FILIP1L: variants seen among roughly 807,000 people sequenced by gnomAD.
FILIP1L encodes filamin A interacting protein 1 like.
A neutral mutation model predicts 96.6 loss-of-function variants in FILIP1L; 55 were observed. The ratio of observed to expected loss-of-function variants is 0.57; its 90% confidence interval spans 0.46 to 0.71. FILIP1L has a LOEUF of 0.71. FILIP1L is among the 30% of genes least tolerant of loss of function. The pLI is 0.00. For synonymous variants in FILIP1L, 467 were observed against 473.9 expected (o/e 0.99, Z 0.19); for missense variants, 1,304 against 1,321.2 (o/e 0.99, Z 0.20).
At chr3:99,990,318 G>A (rs1709475539) in intron 1 of FILIP1L, among the ~76,000 whole-genome samples, 1 of 152,136 alleles carries the variant, frequency 6.6e-6, no homozygotes, top group Non-Finnish European at 1.5e-5. Context: ...ATTGCCAACT[G>A]AACCATGGCA....
intron 1 of FILIP1L, among the ~76,000 whole-genome samples, chr3:100,021,952 TGTGTGTGTGAGAGA>T (rs1559728590): frequency 2.7e-5 from 3 of 111,458 alleles, no homozygotes; most frequent in Non-Finnish European, 3.9e-5. Flanking sequence ...TGTGTGTGTG[TGTGTGTGTGAGAGA>T]GAGAGAGAGA....
chr3:100,096,676 A>T (rs766731301), intron 1 of FILIP1L, among the ~76,000 whole-genome samples: 14 of 151,886 alleles, frequency 9.2e-5, no homozygotes, highest in African/African-American at 2.4e-4. Context: ...AAAAAAAGAA[A>T]GAATGAATAA....
chr3:99,869,831 G>T (rs1185378051), intron 4 of FILIP1L, among the ~76,000 whole-genome samples: 1 of 152,118 alleles, frequency 6.6e-6, no homozygotes, highest in Non-Finnish European at 1.5e-5. Flanking sequence ...TTTGTTCCAG[G>T]ACTGGTGGGC....
chr3:99,833,937 G>A (rs1942790919), intron 5 of FILIP1L, among the ~76,000 whole-genome samples: 1 of 152,252 alleles, frequency 6.6e-6, no homozygotes, highest in Non-Finnish European at 1.5e-5. Flanking sequence ...AAGTATATAA[G>A]CAATGATGAT....
intron 4 of FILIP1L, among the ~76,000 whole-genome samples, chr3:99,869,177 G>A (rs2107576938): frequency 6.6e-6 from 1 of 152,328 alleles, no homozygotes; most frequent in East Asian, 1.9e-4. Flanking sequence ...ACCATTTAGT[G>A]AAGAGAAGAA....
intron 1 of FILIP1L, among the ~76,000 whole-genome samples, chr3:100,048,315 C>T (rs2065310920): frequency 6.6e-6 from 1 of 152,214 alleles, no homozygotes; most frequent in Non-Finnish European, 1.5e-5. Context: ...CCCAGAGGCC[C>T]CTCATTTCTC....
intron 3 of FILIP1L, among the ~76,000 whole-genome samples, chr3:99,928,046 A>G (rs560734668): frequency 2.6e-5 from 4 of 152,374 alleles, no homozygotes; most frequent in African/African-American, 9.6e-5. Context: ...AGAAAATAAA[A>G]GGGAGAAGGG....
intron 1 of FILIP1L, among the ~76,000 whole-genome samples, chr3:99,990,201 C>T (rs573347284): frequency 3.7e-4 from 56 of 152,244 alleles, no homozygotes; most frequent in African/African-American, 1.3e-3. Context: ...TAACAGAATT[C>T]TCACTGGGTG....
At chr3:100,100,831 C>G (rs1372947998) in intron 1 of FILIP1L, among the ~76,000 whole-genome samples, 1 of 152,076 alleles carries the variant, frequency 6.6e-6, no homozygotes, top group Non-Finnish European at 1.5e-5. Flanking sequence ...AGAAGGTGTC[C>G]TGGTGTCTTT....
chr3:99,893,503 A>G (rs975225828), intron 4 of FILIP1L, among the ~76,000 whole-genome samples: 1 of 152,156 alleles, frequency 6.6e-6, no homozygotes, highest in Non-Finnish European at 1.5e-5. Flanking sequence ...TAGTAACAGT[A>G]ACAAATATTA....
At chr3:100,037,054 G>A (rs1460482179) in intron 1 of FILIP1L, among the ~76,000 whole-genome samples, 3 of 152,130 alleles carry the variant, frequency 2.0e-5, no homozygotes, top group Non-Finnish European at 2.9e-5. Flanking sequence ...CTAAATGTGT[G>A]GGTTCTTTCA....
In FILIP1L at chr3:99,952,991, A is replaced by G. The variant is rs1021919219; in HGVS notation, c.-10-21961T>C. ...TGATTTGGTTTTTGTCACTGAACTG[A>G]GTGGTCTCTGAAGGTGGATTTTCTC... On this transcript the variant is annotated intron_variant, in intron 1 of 5. Coordinates refer to ENST00000477258, the MANE Select transcript of FILIP1L (RefSeq NM_001387850.1). Among the ~76,000 whole-genome samples the G allele has an allele frequency of 4.6e-5, 7 of 152,170 alleles. No individual in the cohort carries two copies. In the East Asian group the frequency reaches 7.7e-4, roughly 17 times the overall value.
chr3:99,903,857 A>G (rs1291915325), intron 4 of FILIP1L, among the ~76,000 whole-genome samples: 1 of 152,196 alleles, frequency 6.6e-6, no homozygotes, highest in East Asian at 1.9e-4. Context: ...ATAAGAAATA[A>G]TAGAGCTGTC....
intron 1 of FILIP1L, among the ~76,000 whole-genome samples, chr3:99,971,032 T>C (rs1239164008): frequency 6.6e-6 from 1 of 152,136 alleles, no homozygotes; most frequent in Non-Finnish European, 1.5e-5. Context: ...TGGCAGGTTT[T>C]GGTGTCTCTT....
intron 1 of FILIP1L, among the ~76,000 whole-genome samples, chr3:100,084,628 T>G (rs974642611): frequency 3.3e-5 from 5 of 152,238 alleles, no homozygotes; most frequent in Non-Finnish European, 7.3e-5. Context: ...TTTTACTATG[T>G]CTATGCAAGG....
chr3:99,863,976 G>C (rs1016121687), intron 4 of FILIP1L, among the ~76,000 whole-genome samples: 1 of 152,146 alleles, frequency 6.6e-6, no homozygotes, highest in Non-Finnish European at 1.5e-5. Context: ...GCAGGAGCAG[G>C]AAAAGGGAAT....
chr3:99,860,630 C>G (rs932528325), intron 4 of FILIP1L, among the ~76,000 whole-genome samples: 4 of 152,090 alleles, frequency 2.6e-5, no homozygotes, highest in Non-Finnish European at 4.4e-5. Flanking sequence ...AAGGAGGTGC[C>G]CATGATTCTG....
intron 4 of FILIP1L, among the ~76,000 whole-genome samples, chr3:99,920,289 T>C (rs911597826): frequency 6.6e-6 from 1 of 151,960 alleles, no homozygotes; most frequent in African/African-American, 2.4e-5. Context: ...TTTTGCCCCA[T>C]TGAAACTGAA....
intron 4 of FILIP1L, chr3:99,875,966 G>T: frequency 1.4e-6 from 1 of 737,338 alleles, no homozygotes; most frequent in Non-Finnish European, 1.7e-6. Context: ...AAACCTGTCT[G>T]CAGTTTGTGA....
Sources: allele counts gnomAD v4.1 joint callset (sites outside exome capture counted in the v4.1 genomes callset), GRCh38; gene constraint gnomAD v4.1.1; transcripts MANE v1.5; gene names NCBI Gene and HGNC (gene_info 2026-07-23, HGNC 2026-07-21).